HPSE2: variants seen among roughly 807,000 people sequenced by gnomAD.
The protein encoded by HPSE2 is heparanase 2 (inactive).
Under a neutral mutation model 60.5 loss-of-function variants are expected in HPSE2, and 38 were observed. The ratio of observed to expected loss-of-function variants is 0.63; its 90% CI spans 0.48 to 0.82. The LOEUF (loss-of-function observed/expected upper bound fraction) is 0.82. Ranked by LOEUF, HPSE2 falls within the 40% of genes least tolerant of loss-of-function variation. The pLI is 0.00. For missense variants in HPSE2, 713 were observed against 740.4 expected (o/e 0.96, Z 0.43); for synonymous variants, 295 against 293.2 (o/e 1.01, Z -0.06).
chr10:99,239,645 G>T (rs1207599999), upstream of HPSE2, among the ~76,000 whole-genome samples: 1 of 151,512 alleles, frequency 6.6e-6, no homozygotes, highest in African/African-American at 2.4e-5. Context: ...GCCTAGGCTG[G>T]TCTCAAACTC....
Position 99,053,862 on chromosome 10 carries a change from G to A in HPSE2, c.610+90376C>T, listed in dbSNP as rs114464542. Among the ~76,000 whole-genome samples the A allele has an allele frequency of 3.7e-3, 559 of 150,848 alleles. 2 individuals carry two copies. The highest frequency in any genetic ancestry group is 0.013 in the African/African-American group (525 of 41,136). On this transcript the variant is annotated intron_variant, in intron 3 of 11. Transcript: ENST00000370552. ...TCTTGCCTCAGCCTCCCGAATGCTG[G>A]GACTACAGGTGCACGCTGCCACGCC...
At chr10:99,309,663 A>AAC in the HPSE2 span, among the ~76,000 whole-genome samples, 1 of 152,240 alleles carries the variant, frequency 6.6e-6, no homozygotes, top group Non-Finnish European at 1.5e-5. Flanking sequence ...ACAAAGACAG[A>AAC]ACTGAGTATC....
At chr10:98,793,730 T>TA (rs2134493696) in intron 3 of HPSE2, among the ~76,000 whole-genome samples, 1 of 152,346 alleles carries the variant, frequency 6.6e-6, no homozygotes, top group South Asian at 2.1e-4. Context: ...GATGAGGTGT[T>TA]AAAGTGTCAC....
intron 3 of HPSE2, among the ~76,000 whole-genome samples, chr10:98,829,566 T>C (rs993994180): frequency 6.6e-6 from 1 of 151,880 alleles, no homozygotes; most frequent in Non-Finnish European, 1.5e-5. Flanking sequence ...AGATAGATGA[T>C]GGTAATGGTT....
intron 3 of HPSE2, among the ~76,000 whole-genome samples, chr10:98,769,635 T>C (rs1412396548): frequency 6.6e-6 from 1 of 152,174 alleles, no homozygotes; most frequent in African/African-American, 2.4e-5. Context: ...GGGGCCTCTC[T>C]CCAAATATTG....
chr10:99,130,173 T>C (rs1357336975), intron 3 of HPSE2, among the ~76,000 whole-genome samples: 1 of 151,548 alleles, frequency 6.6e-6, no homozygotes, highest in Non-Finnish European at 1.5e-5. Flanking sequence ...CAGGAGAAGA[T>C]GGATTCTCAG....
chr10:98,582,972 T>C (rs2133925358), intron 9 of HPSE2, among the ~76,000 whole-genome samples: 1 of 152,202 alleles, frequency 6.6e-6, no homozygotes, highest in East Asian at 1.9e-4. Flanking sequence ...ACTTATCTAC[T>C]CTGCAAACTG....
intron 3 of HPSE2, among the ~76,000 whole-genome samples, chr10:99,019,597 A>G (rs1164057983): frequency 1.3e-5 from 2 of 152,176 alleles, no homozygotes; most frequent in African/African-American, 4.8e-5. Context: ...GAGTCAAAAT[A>G]GCCAGATTTT....
At chr10:98,561,956 A>G (rs1394344361) in intron 9 of HPSE2, among the ~76,000 whole-genome samples, 1 of 152,232 alleles carries the variant, frequency 6.6e-6, no homozygotes, top group Non-Finnish European at 1.5e-5. Flanking sequence ...GTGTATAGTA[A>G]TGTCTTAGTC....
intron 9 of HPSE2, among the ~76,000 whole-genome samples, chr10:98,524,915 G>A (rs990177324): frequency 2.0e-5 from 3 of 152,112 alleles, no homozygotes; most frequent in Non-Finnish European, 4.4e-5. Flanking sequence ...TTTTCTTTAC[G>A]TAGAACAATG....
At chr10:99,030,857 T>C (rs956713202) in intron 3 of HPSE2, among the ~76,000 whole-genome samples, 9 of 152,180 alleles carry the variant, frequency 5.9e-5, no homozygotes, top group Admixed American at 5.9e-4. Context: ...AAGATCATTA[T>C]GTTAAGTGAA....
In HPSE2 at chr10:98,937,360, G is replaced by A. The variant is rs1341333805; in HGVS notation, c.611-193304C>T. 2.8e-5 allele frequency among the ~76,000 whole-genome samples: 4 copies of A among 144,640 alleles called. 1 individual carries two copies. Among genetic ancestry groups the A allele is most frequent in the Middle Eastern group, 3.5e-3 (1 of 282 alleles). The allele number at this position is 144,640 out of a possible 152,430, so 94.9% of individuals were successfully genotyped here. A position where few individuals can be genotyped will look rare whatever the true frequency, so the allele number is the denominator to read the frequency against. On this transcript the variant is annotated intron_variant, in intron 3 of 11. Transcript: ENST00000370552. The stretch of plus-strand genomic sequence containing the variant: ...AAGAAAGGGGTGACAGACGGCACCT[G>A]GAAATTCGGGTCACTCCCACCCTAA...
At chr10:99,119,873 T>A (rs1245798328) in intron 3 of HPSE2, among the ~76,000 whole-genome samples, 3 of 152,196 alleles carry the variant, frequency 2.0e-5, no homozygotes, top group Admixed American at 6.5e-5. Context: ...AAAATGGTGC[T>A]GGACTAACTG....
intron 2 of HPSE2, among the ~76,000 whole-genome samples, chr10:99,214,747 G>C: frequency 6.9e-6 from 1 of 145,366 alleles, no homozygotes; most frequent in South Asian, 2.2e-4. Context: ...AAATTTACAA[G>C]AAAAAAAAAA....
At chr10:98,960,487 T>C (rs1955624989) in intron 3 of HPSE2, among the ~76,000 whole-genome samples, 1 of 152,062 alleles carries the variant, frequency 6.6e-6, no homozygotes, top group Non-Finnish European at 1.5e-5. Flanking sequence ...AATAAAATTG[T>C]ATGCAGATAA....
intron 7 of HPSE2, among the ~76,000 whole-genome samples, chr10:98,628,735 G>A (rs1946282725): frequency 6.6e-6 from 1 of 152,094 alleles, no homozygotes; most frequent in African/African-American, 2.4e-5. Context: ...AGGCAGAGTT[G>A]TATAAAGGGA....
chr10:98,710,378 G>T (rs1337831070), intron 5 of HPSE2, among the ~76,000 whole-genome samples: 1 of 151,978 alleles, frequency 6.6e-6, no homozygotes, highest in African/African-American at 2.4e-5. Flanking sequence ...AAAGTATATA[G>T]TTATATGTTT....
intron 11 of HPSE2, among the ~76,000 whole-genome samples, chr10:98,469,013 G>C (rs1925642): frequency 0.28 from 42,350 of 151,998 alleles, 7,038 homozygotes; most frequent in African/African-American, 0.47. Context: ...TTTATACAAG[G>C]AGAGCTGGGG....
At chr10:98,742,998 G>A (rs528792065) in intron 4 of HPSE2, among the ~76,000 whole-genome samples, 2 of 126,740 alleles carry the variant, frequency 1.6e-5, no homozygotes, top group Non-Finnish European at 3.2e-5. Flanking sequence ...TTTTTGAGAT[G>A]GAGTCTTGCT....
Sources: gnomAD v4.1 joint callset for allele counts (sites outside exome capture counted in the v4.1 genomes callset) on GRCh38, gnomAD v4.1.1 for gene constraint, MANE v1.5 for transcripts, NCBI Gene and HGNC (gene_info 2026-07-23, HGNC 2026-07-21) for gene names.